The following B3GALT1 variants were observed in gnomAD, a reference collection of about 807,000 sequenced individuals.
B3GALT1 encodes beta-1,3-galactosyltransferase 1, also known as UDP-Gal:betaGlcNAc beta 1,3-galactosyltransferase, polypeptide 1.
Under a neutral mutation model 23.2 loss-of-function variants are expected in B3GALT1, and 10 were observed. The observed-to-expected ratio is 0.43, with a 90% confidence interval of 0.27 to 0.73. B3GALT1 has a LOEUF of 0.73. B3GALT1 is among the 30% of genes least tolerant of loss of function. B3GALT1 has a pLI of 0.21. For synonymous variants in B3GALT1, 156 were observed against 141.5 expected (o/e 1.10, Z -0.73); for missense variants, 299 against 405.4 (o/e 0.74, Z 2.25).
intron 2 of B3GALT1, among the ~76,000 whole-genome samples, chr2:167,562,206 C>G (rs1182113622): frequency 6.6e-6 from 1 of 152,094 alleles, no homozygotes; most frequent in Non-Finnish European, 1.5e-5. Context: ...AGGCAAAAAC[C>G]ACATGATTAT....
chr2:167,598,293 A>G (rs1019410804), intron 2 of B3GALT1, among the ~76,000 whole-genome samples: 6 of 152,176 alleles, frequency 3.9e-5, no homozygotes, highest in Non-Finnish European at 1.5e-5. Flanking sequence ...ACACATACAT[A>G]CACTATATCT....
In B3GALT1 at chr2:167,804,422, A is replaced by C. The variant is rs1382325326; in HGVS notation, c.-351-14250A>C. Among the ~76,000 whole-genome samples the C allele has an allele frequency of 2.0e-5, 3 of 151,646 alleles. No homozygotes were observed. In the East Asian group the frequency reaches 5.8e-4, roughly 29 times the overall value. On this transcript the variant is annotated intron_variant, in intron 3 of 4. Coordinates refer to ENST00000392690, the MANE Select transcript of B3GALT1 (RefSeq NM_020981.4). ...TACATGTGCCATGTTGGTGTGCTGCACCCATCAACTCGTCTTTTAACATTA... is the reference window on the plus strand; with the variant it reads ...TACATGTGCCATGTTGGTGTGCTGCCCCCATCAACTCGTCTTTTAACATTA...
At chr2:167,830,178 G>A (rs2105377897) in intron 4 of B3GALT1, among the ~76,000 whole-genome samples, 1 of 152,224 alleles carries the variant, frequency 6.6e-6, no homozygotes, top group African/African-American at 2.4e-5. Flanking sequence ...TTCAAGGACT[G>A]AGCAGAAGTG....
intron 2 of B3GALT1, among the ~76,000 whole-genome samples, chr2:167,528,366 G>A (rs1227126401): frequency 1.3e-5 from 2 of 152,130 alleles, no homozygotes; most frequent in African/African-American, 4.8e-5. Context: ...TTAATTCTTG[G>A]TCTGTTTTGT....
At chr2:167,368,313 G>A (rs1697624592) in intron 1 of B3GALT1, among the ~76,000 whole-genome samples, 1 of 152,174 alleles carries the variant, frequency 6.6e-6, no homozygotes, top group Non-Finnish European at 1.5e-5. Context: ...TGTAAGAGAT[G>A]TGTAGATTAA....
chr2:167,525,857 G>C (rs1005808272), intron 2 of B3GALT1, among the ~76,000 whole-genome samples: 2 of 151,548 alleles, frequency 1.3e-5, no homozygotes, highest in Non-Finnish European at 2.9e-5. Context: ...TAAGTCTTAA[G>C]TGATCCTCCT....
chr2:167,754,191 A>T (rs563490534), intron 3 of B3GALT1, among the ~76,000 whole-genome samples: 1 of 152,344 alleles, frequency 6.6e-6, no homozygotes, highest in Admixed American at 6.5e-5. Context: ...TGCTTACATT[A>T]CATTTTCAGA....
chr2:167,492,558 A>G (rs532341977), intron 2 of B3GALT1, among the ~76,000 whole-genome samples: 1 of 152,324 alleles, frequency 6.6e-6, no homozygotes, highest in African/African-American at 2.4e-5. Flanking sequence ...GCCAAACTGT[A>G]TTTCAAAGTA....
rs551194927 is a variant in B3GALT1 at position 167,652,676 on chromosome 2, T to C, written c.-352+5710T>C. On this transcript the variant is annotated intron_variant, in intron 3 of 4. Coordinates refer to ENST00000392690, the MANE Select transcript of B3GALT1 (RefSeq NM_020981.4). ...CATCTTATGGTGCCCTTATTACATATTAATATTTATCTGTGTACTTCATGT... is the reference window on the plus strand; with the variant it reads ...CATCTTATGGTGCCCTTATTACATACTAATATTTATCTGTGTACTTCATGT... 1.2e-3 allele frequency among the ~76,000 whole-genome samples: 186 copies of C among 152,282 alleles called. 1 individual carries two copies. Among genetic ancestry groups the C allele is most frequent in the African/African-American group, 4.4e-3 (182 of 41,560 alleles).
chr2:167,420,494 G>A (rs1208340321), intron 1 of B3GALT1, among the ~76,000 whole-genome samples: 1 of 152,172 alleles, frequency 6.6e-6, no homozygotes, highest in Non-Finnish European at 1.5e-5. Context: ...TATAAACATT[G>A]TGTATTTCAA....
chr2:167,804,742 T>C (rs1050818467), intron 3 of B3GALT1, among the ~76,000 whole-genome samples: 1 of 152,232 alleles, frequency 6.6e-6, no homozygotes, highest in African/African-American at 2.4e-5. Flanking sequence ...GACATTTGGC[T>C]TGGTTCCAAG....
At chr2:167,597,888 T>G (rs921504706) in intron 2 of B3GALT1, among the ~76,000 whole-genome samples, 4 of 152,196 alleles carry the variant, frequency 2.6e-5, no homozygotes, top group African/African-American at 9.7e-5. Context: ...ATCAGATTTG[T>G]AGATATTATA....
intron 1 of B3GALT1, among the ~76,000 whole-genome samples, chr2:167,383,374 A>G (rs982794518): frequency 7.2e-5 from 11 of 152,170 alleles, no homozygotes; most frequent in Non-Finnish European, 1.3e-4. Flanking sequence ...TCATGGAAGC[A>G]GGAAGTTTGC....
At chr2:167,390,451 C>T (rs1268064220) in intron 1 of B3GALT1, among the ~76,000 whole-genome samples, 1 of 152,222 alleles carries the variant, frequency 6.6e-6, no homozygotes, top group Admixed American at 6.5e-5. Flanking sequence ...TTAAAGATCT[C>T]AGACTTGGAC....
At chr2:167,413,191 A>G (rs985142637) in intron 1 of B3GALT1, among the ~76,000 whole-genome samples, 1 of 152,036 alleles carries the variant, frequency 6.6e-6, no homozygotes, top group Non-Finnish European at 1.5e-5. Context: ...TGACAAGGAG[A>G]GAGATGGGGG....
intron 1 of B3GALT1, among the ~76,000 whole-genome samples, chr2:167,304,992 C>G (rs923907328): frequency 6.6e-6 from 1 of 152,152 alleles, no homozygotes; most frequent in Non-Finnish European, 1.5e-5. Flanking sequence ...GTTCTATTCT[C>G]ACCCTCAAAG....
chr2:167,725,784 A>C (rs565145953), intron 3 of B3GALT1, among the ~76,000 whole-genome samples: 1 of 151,760 alleles, frequency 6.6e-6, no homozygotes, highest in African/African-American at 2.4e-5. Context: ...CCAGCATCAT[A>C]GTAGTGTTCA....
intron 1 of B3GALT1, among the ~76,000 whole-genome samples, chr2:167,441,926 T>C (rs1449106779): frequency 4.6e-5 from 7 of 151,886 alleles, no homozygotes; most frequent in Non-Finnish European, 8.8e-5. Flanking sequence ...ATGTGCACAT[T>C]GTGCAGGTTA....
chr2:167,831,214 G>A (rs1221303385), intron 4 of B3GALT1, among the ~76,000 whole-genome samples: 1 of 152,154 alleles, frequency 6.6e-6, no homozygotes, highest in Non-Finnish European at 1.5e-5. Context: ...GTTCTCAACA[G>A]TGCCCTTTAT....
Sources: allele counts gnomAD v4.1 joint callset (sites outside exome capture counted in the v4.1 genomes callset), GRCh38; gene constraint gnomAD v4.1.1; transcripts MANE v1.5; gene names NCBI Gene and HGNC (gene_info 2026-07-23, HGNC 2026-07-21).